COBL: variants seen among roughly 807,000 people sequenced by gnomAD.
The protein encoded by COBL is cordon-bleu WH2 repeat protein, also known as protein cordon-bleu.
A neutral mutation model predicts 98.8 loss-of-function variants in COBL; 51 were observed. That is an observed-to-expected ratio of 0.52 (90% CI 0.41 to 0.65). COBL has a LOEUF of 0.65. COBL is among the 30% of genes least tolerant of loss of function. The pLI is 0.00. For missense variants in COBL, 1,617 were observed against 1,617.5 expected (o/e 1.00, Z 0.01); for synonymous variants, 634 against 651.7 (o/e 0.97, Z 0.41).
At chr7:51,215,570 T>C (rs1364046449) in intron 2 of COBL, among the ~76,000 whole-genome samples, 2 of 152,332 alleles carry the variant, frequency 1.3e-5, no homozygotes, top group Non-Finnish European at 2.9e-5. Context: ...ATTTACTCTA[T>C]TGTAATGGGT....
In COBL at chr7:51,065,617, CTGGAGTCAGAGTCCGGGTCTCCCCTG is replaced by C. The variant is rs569088323; in HGVS notation, c.1096+19523_1096+19548del. Among the ~76,000 whole-genome samples, 17 of 152,356 alleles carry C rather than the reference CTGGAGTCAGAGTCCGGGTCTCCCCTG, an allele frequency of 1.1e-4. No homozygotes were observed. The South Asian group carries it at 3.5e-3, about 32-fold the overall frequency. ...CCCAGGCCTCCAACAGGGCCAAGCC[CTGGAGTCAGAGTCCGGGTCTCCCCTG>C]TGCATCCACCTGGGTACAACAGAAG... On this transcript the variant is annotated intron_variant, in intron 7 of 12. Coordinates refer to ENST00000265136, the MANE Select transcript of COBL (RefSeq NM_015198.5).
At chr7:51,228,526 A>G (rs1281812858) in intron 1 of COBL, among the ~76,000 whole-genome samples, 2 of 152,160 alleles carry the variant, frequency 1.3e-5, no homozygotes, top group Admixed American at 1.3e-4. Context: ...AATCCTACAC[A>G]ATAGAATTTC....
At chr7:51,197,729 T>C (rs894422326) in intron 2 of COBL, among the ~76,000 whole-genome samples, 18 of 152,300 alleles carry the variant, frequency 1.2e-4, no homozygotes, top group African/African-American at 3.1e-4. Flanking sequence ...AAAACAATTA[T>C]GTCTTCTTGC....
intron 6 of COBL, among the ~76,000 whole-genome samples, chr7:51,100,347 G>A (rs568881337): frequency 3.9e-5 from 6 of 152,260 alleles, no homozygotes; most frequent in Admixed American, 6.5e-5. Flanking sequence ...GATGTAAAAC[G>A]TTCCTGACCT....
chr7:51,299,791 G>A (rs1437796566), intron 1 of COBL, among the ~76,000 whole-genome samples: 1 of 152,170 alleles, frequency 6.6e-6, no homozygotes. Context: ...AGGGGGATGA[G>A]GAACATAATA....
At chr7:51,240,609 C>T (rs4948207) in intron 1 of COBL, among the ~76,000 whole-genome samples, 2 of 152,072 alleles carry the variant, frequency 1.3e-5, no homozygotes, top group East Asian at 3.9e-4. Context: ...TGCACTGGCG[C>T]GATCGCGGCT....
At chr7:51,229,722 A>C (rs776734626) in intron 1 of COBL, among the ~76,000 whole-genome samples, 1 of 152,096 alleles carries the variant, frequency 6.6e-6, no homozygotes, top group Non-Finnish European at 1.5e-5. Flanking sequence ...ACGCAACCAG[A>C]AGCTCACTGC....
chr7:51,285,687 T>C (rs1289930958), intron 1 of COBL, among the ~76,000 whole-genome samples: 16 of 152,196 alleles, frequency 1.1e-4, no homozygotes, highest in Non-Finnish European at 2.2e-4. Flanking sequence ...ATTTACAGAT[T>C]TAACAAAATT....
At chr7:51,222,959 C>T (rs1027173210) in intron 1 of COBL, among the ~76,000 whole-genome samples, 7 of 152,208 alleles carry the variant, frequency 4.6e-5, no homozygotes, top group Admixed American at 2.6e-4. Flanking sequence ...ATTTTATCCA[C>T]CCTCCCTCCC....
At chr7:51,067,088 C>T (rs1410379895) in intron 7 of COBL, among the ~76,000 whole-genome samples, 2 of 152,310 alleles carry the variant, frequency 1.3e-5, no homozygotes, top group Non-Finnish European at 2.9e-5. Context: ...GTGACCGAAG[C>T]ACCAGGCTCA....
chr7:51,151,432 C>G (rs533231705), intron 5 of COBL, among the ~76,000 whole-genome samples: 6 of 152,312 alleles, frequency 3.9e-5, no homozygotes, highest in East Asian at 1.9e-4. Flanking sequence ...AATCTGCCCC[C>G]ACTCTGGCGT....
intron 5 of COBL, among the ~76,000 whole-genome samples, chr7:51,178,284 AC>A (rs1788607459): frequency 6.6e-6 from 1 of 152,220 alleles, no homozygotes; most frequent in South Asian, 2.1e-4. Context: ...TTAATGAAAT[AC>A]AAAAATGATA....
intron 2 of COBL, among the ~76,000 whole-genome samples, chr7:51,218,624 C>T (rs1344950135): frequency 1.3e-5 from 2 of 152,040 alleles, no homozygotes; most frequent in Admixed American, 6.6e-5. Context: ...CAGGCATGCA[C>T]CTCTATGCCT....
At chr7:51,069,013 G>A (rs1176420966) in intron 7 of COBL, among the ~76,000 whole-genome samples, 3 of 152,086 alleles carry the variant, frequency 2.0e-5, no homozygotes, top group Non-Finnish European at 4.4e-5. Flanking sequence ...CGTTGCCCTC[G>A]GCCTGATCGC....
At chr7:51,311,202 T>A (rs1803003743) in intron 1 of COBL, among the ~76,000 whole-genome samples, 2 of 152,216 alleles carry the variant, frequency 1.3e-5, no homozygotes, top group Admixed American at 1.3e-4. Flanking sequence ...GGGGGATTAC[T>A]CTAATTGGAC....
At chr7:51,067,380 T>C (rs1434693205) in intron 7 of COBL, among the ~76,000 whole-genome samples, 2 of 152,268 alleles carry the variant, frequency 1.3e-5, no homozygotes, top group Non-Finnish European at 2.9e-5. Context: ...ACACAAATAT[T>C]TTGTACACAC....
At chr7:51,193,309 C>T in intron 3 of COBL, 70 bp downstream of exon 3, 1 of 1,371,492 alleles carries the variant, frequency 7.3e-7, no homozygotes, top group South Asian at 1.2e-5. Context: ...ATAAGAAGAG[C>T]CACACTGGCC....
chr7:51,145,680 G>C (rs1784963859), intron 5 of COBL, among the ~76,000 whole-genome samples: 1 of 152,174 alleles, frequency 6.6e-6, no homozygotes, highest in Non-Finnish European at 1.5e-5. Flanking sequence ...CACCTGGCCT[G>C]TTATTCCTCT....
In COBL at chr7:51,165,357, A is replaced by C. The variant is rs140466139; in HGVS notation, c.783+18745T>G. Among the ~76,000 whole-genome samples, 938 of 152,220 alleles carry C rather than the reference A, an allele frequency of 6.2e-3. 5 individuals carry two copies. The highest frequency in any genetic ancestry group is 7.9e-3 in the Non-Finnish European group (536 of 67,922). ...AATAGATTTCAAGACCAAAACTGTAAGAAGAGATTAAGAAAGTCATTATGT... is the reference window on the plus strand; with the variant it reads ...AATAGATTTCAAGACCAAAACTGTACGAAGAGATTAAGAAAGTCATTATGT... On this transcript the variant is annotated intron_variant, in intron 5 of 12. Coordinates refer to ENST00000265136, the MANE Select transcript of COBL (RefSeq NM_015198.5).
Sources: allele counts gnomAD v4.1 joint callset (sites outside exome capture counted in the v4.1 genomes callset), GRCh38; gene constraint gnomAD v4.1.1; transcripts MANE v1.5; gene names NCBI Gene and HGNC (gene_info 2026-07-23, HGNC 2026-07-21).